Variants in CHST12 observed in about 807,000 individuals in gnomAD.
CHST12 encodes carbohydrate sulfotransferase 12, also known as carbohydrate (chondroitin 4) sulfotransferase 12.
Under a neutral mutation model 27.9 loss-of-function variants are expected in CHST12, and 23 were observed. The ratio of observed to expected loss-of-function variants is 0.82; its 90% confidence interval spans 0.59 to 1.17. The LOEUF is 1.17. CHST12 is among the 50% of genes most tolerant of loss of function. The pLI is 0.00. For synonymous variants in CHST12, 322 were observed against 273.0 expected (o/e 1.18, Z -1.77); for missense variants, 682 against 603.0 (o/e 1.13, Z -1.37).
chr7:2,432,655 C>T lies in CHST12; in HGVS notation c.16C>T (p.Leu6=), dbSNP rs1450490820. MTKAR[L]FRLWLVLGSV... is the part of the protein sequence containing the mutation. The stretch of plus-strand genomic sequence containing the variant: ...CCGGGGCAGGATGACCAAGGCCCGG[C>T]TGTTCCGGCTGTGGCTGGTGCTGGG... Residue 6 remains leucine (L), a synonymous_variant, in exon 2 of 2, where the codon CTG becomes TTG. Transcript: ENST00000618655. 6.2e-7 allele frequency: 1 copy of T among 1,608,452 alleles called. No homozygotes were observed. Among genetic ancestry groups the T allele is most frequent in the South Asian group, 1.1e-5 (1 of 90,864 alleles).
intron 1 of CHST12, among the ~76,000 whole-genome samples, chr7:2,427,204 G>A (rs1009174721): frequency 1.3e-5 from 2 of 151,926 alleles, no homozygotes; most frequent in African/African-American, 4.8e-5. Flanking sequence ...AAAAGAGAGA[G>A]AGAGAGACAT....
At chr7:2,406,610 C>CT (rs1781531800) in intron 1 of CHST12, among the ~76,000 whole-genome samples, 1 of 152,022 alleles carries the variant, frequency 6.6e-6, no homozygotes, top group Non-Finnish European at 1.5e-5. Context: ...CCAGCTGGGG[C>CT]TTTTCCCTGT....
intron 1 of CHST12, among the ~76,000 whole-genome samples, chr7:2,421,559 C>T (rs946796650): frequency 2.0e-5 from 3 of 151,652 alleles, no homozygotes; most frequent in African/African-American, 7.3e-5. Context: ...ATCTCAGCCT[C>T]TCAAGAAACT....
At position 2,433,527 on chromosome 7, in the gene CHST12, C is replaced by T; in HGVS notation, c.888C>T (p.Leu296=). 1 of 1,613,050 alleles carries T rather than the reference C, an allele frequency of 6.2e-7. No individual in the cohort carries two copies. The highest frequency in any genetic ancestry group is 8.5e-7 in the Non-Finnish European group (1 of 1,179,950). Residue 296 remains leucine, a synonymous_variant, in exon 2 of 2, where the codon CTC becomes CTT. Coordinates refer to ENST00000618655, the MANE Select transcript of CHST12 (RefSeq NM_018641.5). The surrounding 1 kb of genome is among the most constrained non-coding windows in gnomAD (Gnocchi z 6.1). ...CGCGCGAGGCCTTCCGCGCTGGCCT[C>T]AAGGTGTCCTTCGCCAACTTCATCC... ...ASAREAFRAG[L]KVSFANFIQY... is the part of the protein sequence containing the mutation.
At chr7:2,422,123 A>G (rs544268945) in intron 1 of CHST12, among the ~76,000 whole-genome samples, 38 of 152,236 alleles carry the variant, frequency 2.5e-4, no homozygotes, top group Admixed American at 7.9e-4. Flanking sequence ...GCGTCTGCCT[A>G]TGTCGGCGAT....
At position 2,446,241 on chromosome 7, in the gene CHST12, C is replaced by T. The variant is rs1002386014; in HGVS notation, c.*12357C>T. 6 of 152,708 alleles carry T rather than the reference C, an allele frequency of 3.9e-5. No individual in the cohort carries two copies. The highest frequency in any genetic ancestry group is 1.4e-4 in the African/African-American group (6 of 41,440). 9.5% of individuals were successfully genotyped at this position (152,708 alleles called of 1,614,324 possible). ...GCTGCCTTGGACCTCAGGCCGTTGACAAGGAAAAGCGGAGAGTTGGGAAAA... is the reference window on the plus strand; with the variant it reads ...GCTGCCTTGGACCTCAGGCCGTTGATAAGGAAAAGCGGAGAGTTGGGAAAA... On this transcript the variant is annotated 3_prime_UTR_variant, in exon 2 of 2. Transcript: ENST00000618655.
chr7:2,433,236 G>T lies in CHST12; in HGVS notation c.597G>T (p.Pro199=), dbSNP rs886870486. ...ACCGCGGTGCGCCCTACCGCGACCC[G>T]CTGCGCATCCCGCGCGAGCACGTGC... is the stretch of plus-strand genomic sequence containing the variant. The part of the protein sequence containing the change: ...LLHRGAPYRD[P]LRIPREHVHN... Residue 199 remains proline, a synonymous_variant, in exon 2 of 2, where the codon CCG becomes CCT. Transcript: ENST00000618655. The surrounding 1 kb of genome is among the most constrained non-coding windows in gnomAD (Gnocchi z 6.1). 1.2e-6 allele frequency: 2 copies of T among 1,611,642 alleles called. No homozygotes were observed. Among genetic ancestry groups the T allele is most frequent in the African/African-American group, 1.3e-5 (1 of 74,992 alleles).
At chr7:2,406,209 G>A (rs556518106) in intron 1 of CHST12, among the ~76,000 whole-genome samples, 1 of 152,050 alleles carries the variant, frequency 6.6e-6, no homozygotes, top group African/African-American at 2.4e-5. Context: ...GGCTGCAGGC[G>A]GGACTGTGGT....
chr7:2,433,219 G>C lies in CHST12; in HGVS notation c.580G>C (p.Ala194Pro), dbSNP rs762571390. 8 of 1,612,070 alleles carry C rather than the reference G, an allele frequency of 5.0e-6. No homozygotes were observed. In the African/African-American group the frequency reaches 1.1e-4, roughly 22 times the overall value. Reference protein sequence around the residue: ...VLSGSLLHRGAPYRDPLRIPR... With the variant: ...VLSGSLLHRGPPYRDPLRIPR... ...GAGCGGAAGCCTGCTGCACCGCGGT[G>C]CGCCCTACCGCGACCCGCTGCGCAT... Residue 194 changes from alanine to proline, a missense_variant, in exon 2 of 2, where the codon GCG (alanine) becomes CCG (proline). By Grantham distance (27) the Ala-to-Pro change is conservative (BLOSUM62 -1). Coordinates refer to ENST00000618655, the MANE Select transcript of CHST12 (RefSeq NM_018641.5). The surrounding 1 kb of genome is among the most constrained non-coding windows in gnomAD (Gnocchi z 6.1).
In CHST12 at chr7:2,440,267, C is replaced by A. The variant is rs1046217291; in HGVS notation, c.*6383C>A. The A allele has an allele frequency of 4.5e-5, 7 of 154,364 alleles. No individual in the cohort carries two copies. The highest frequency in any genetic ancestry group is 1.7e-4 in the African/African-American group (7 of 41,506). 9.6% of individuals were successfully genotyped at this position (154,364 alleles called of 1,614,324 possible). A position where few individuals can be genotyped will look rare whatever the true frequency, so the allele number is the denominator to read the frequency against. On this transcript the variant is annotated 3_prime_UTR_variant, in exon 2 of 2. Transcript: ENST00000618655. ...CTTTGACAGTGATAAACGAACACAG[C>A]CTATCTGGGTGTTTTTTGCACTTAT...
chr7:2,430,184 A>C (rs1462555521), intron 1 of CHST12, among the ~76,000 whole-genome samples: 3 of 151,914 alleles, frequency 2.0e-5, no homozygotes, highest in African/African-American at 7.3e-5. Context: ...CTTTGCTATT[A>C]TTTAGAAATG....
At chr7:2,413,554 A>T (rs2115395061) in intron 1 of CHST12, among the ~76,000 whole-genome samples, 1 of 152,040 alleles carries the variant, frequency 6.6e-6, no homozygotes, top group Non-Finnish European at 1.5e-5. Context: ...GATTTTCATC[A>T]CGATTTTGGC....
At chr7:2,420,920 A>G (rs1393441093) in intron 1 of CHST12, among the ~76,000 whole-genome samples, 1 of 152,172 alleles carries the variant, frequency 6.6e-6, no homozygotes, top group Non-Finnish European at 1.5e-5. Flanking sequence ...TCTGGAATAC[A>G]GTGGTACAAT....
Position 2,403,876 on chromosome 7 carries a change from C to T in CHST12, c.-78+203C>T, listed in dbSNP as rs574553361. Among the ~76,000 whole-genome samples the T allele has an allele frequency of 4.2e-3, 639 of 152,176 alleles. 1 individual carries two copies. The highest frequency in any genetic ancestry group is 0.01 in the African/African-American group (424 of 41,538). On this transcript the variant is annotated intron_variant, in intron 1 of 1. Coordinates refer to ENST00000618655, the MANE Select transcript of CHST12 (RefSeq NM_018641.5). ...CAGTGTGACCTTGGCCCTGCGCGCG[C>T]CCTCTCTGAGCCCCGCTCGTCGTCC...
At chr7:2,407,286 C>T (rs1366132505) in intron 1 of CHST12, among the ~76,000 whole-genome samples, 4 of 150,946 alleles carry the variant, frequency 2.6e-5, no homozygotes, top group Admixed American at 6.6e-5. Context: ...ATCTCTACAA[C>T]AAAATTTAAA....
intron 1 of CHST12, among the ~76,000 whole-genome samples, 188 bp from the exon 2 acceptor site, chr7:2,432,375 C>T (rs565301075): frequency 1.1e-3 from 165 of 152,208 alleles, no homozygotes; most frequent in African/African-American, 3.8e-3. Flanking sequence ...ATTACTGGTG[C>T]TCGGGCACAT....
chr7:2,428,572 T>C (rs923696940), intron 1 of CHST12, among the ~76,000 whole-genome samples: 2 of 152,118 alleles, frequency 1.3e-5, no homozygotes, highest in African/African-American at 2.4e-5. Context: ...TTATTAAGTT[T>C]AGTGAGGGCG....
Position 2,432,975 on chromosome 7 carries a change from G to C in CHST12, c.336G>C (p.Arg112=), listed in dbSNP as rs573194622. 1 of 1,609,760 alleles carries C rather than the reference G, an allele frequency of 6.2e-7. No homozygotes were observed. The highest frequency in any genetic ancestry group is 1.1e-5 in the South Asian group (1 of 90,964). The change falls in exon 2 of 2, where the codon CGG becomes CGC. Residue 112 remains arginine, a synonymous_variant. Coordinates refer to ENST00000618655, the MANE Select transcript of CHST12 (RefSeq NM_018641.5). ...RGYDWSPRDA[R]RSPDQGRQQA... is the part of the protein sequence containing the mutation. ...ACGACTGGTCCCCGCGCGACGCCCG[G>C]CGCAGCCCAGACCAGGGCCGGCAGC...
rs961965142 is a variant in CHST12, at chr7:2,425,128, C to T, written c.-77-7435C>T. Reference sequence around the variant, plus strand: ...GGCTGAGGCAGAAAATCGCATGAACCCGGGAGGCAGAGATTGCAGTGAGCC... The same window carrying T: ...GGCTGAGGCAGAAAATCGCATGAACTCGGGAGGCAGAGATTGCAGTGAGCC... On this transcript the variant is annotated intron_variant, in intron 1 of 1. Transcript: ENST00000618655. 2.0e-5 allele frequency among the ~76,000 whole-genome samples: 3 copies of T among 150,614 alleles called. No homozygotes were observed. In the South Asian group the frequency reaches 6.3e-4, roughly 32 times the overall value.
Sources: gnomAD v4.1 joint callset for allele counts (sites outside exome capture counted in the v4.1 genomes callset) on GRCh38, gnomAD v4.1.1 for gene constraint, Gnocchi (gnomAD v3.1) non-coding constraint, MANE v1.5 for transcripts, NCBI Gene and HGNC (gene_info 2026-07-23, HGNC 2026-07-21) for gene names.